The following SHQ1 variants were observed in gnomAD, a reference collection of about 807,000 sequenced individuals.
SHQ1 encodes the protein SHQ1, H/ACA ribonucleoprotein assembly factor.
SHQ1 carries 49 observed loss-of-function variants against 53.8 expected under a neutral mutation model. The observed-to-expected ratio is 0.91, with a 90% confidence interval of 0.72 to 1.16. The LOEUF (loss-of-function observed/expected upper bound fraction) is 1.16. Ranked by LOEUF, SHQ1 falls within the 50% of genes most tolerant of loss-of-function variation. SHQ1 has a pLI of 0.00. For synonymous variants in SHQ1, 243 were observed against 251.0 expected, an observed-to-expected ratio of 0.97 and a Z score of 0.30; for missense variants, 738 against 683.1, an observed-to-expected ratio of 1.08 and a Z score of -0.90.
downstream of SHQ1, among the ~76,000 whole-genome samples, chr3:72,748,397 G>C (rs114960767): frequency 1.9e-3 from 175 of 93,802 alleles, no homozygotes; most frequent in African/African-American, 6.9e-3. Flanking sequence ...AATTTATAAA[G>C]AACTCTCAAA....
chr3:72,766,803 C>A (rs1040833981), intron 10 of SHQ1, among the ~76,000 whole-genome samples: 7 of 152,140 alleles, frequency 4.6e-5, no homozygotes, highest in African/African-American at 7.2e-5. Flanking sequence ...TCTAATCAAT[C>A]CCCAGCTGGA....
Position 72,749,857 on chromosome 3 carries a change from G to GTT in SHQ1, c.*426_*427insAA. 4.4e-6 allele frequency: 1 copy of GTT among 226,024 alleles called. No individual in the cohort carries two copies. Among genetic ancestry groups the GTT allele is most frequent in the Non-Finnish European group, 8.8e-6 (1 of 113,904 alleles). The allele number at this position is 226,024 out of a possible 1,614,324, so 14.0% of individuals were successfully genotyped here. A position where few individuals can be genotyped will look rare whatever the true frequency, so the allele number is the denominator to read the frequency against. On this transcript the variant is annotated 3_prime_UTR_variant, in exon 11 of 11. Coordinates refer to ENST00000325599, the MANE Select transcript of SHQ1 (RefSeq NM_018130.3). The stretch of plus-strand genomic sequence containing the variant: ...GGTTGAAAAACAATGTCATAAAGTT[G>GTT]TCCCCGTATCTGTGGGGGGTTGGTT...
intron 10 of SHQ1, among the ~76,000 whole-genome samples, chr3:72,785,173 C>T (rs761022438): frequency 6.6e-6 from 1 of 152,244 alleles, no homozygotes; most frequent in Non-Finnish European, 1.5e-5. Flanking sequence ...CAGAAAGCAG[C>T]ATCATGCAAG....
chr3:72,823,798 T>C (rs1472489433), intron 6 of SHQ1, among the ~76,000 whole-genome samples: 1 of 152,240 alleles, frequency 6.6e-6, no homozygotes, highest in Non-Finnish European at 1.5e-5. Flanking sequence ...GAAGAGTCTA[T>C]ATTCCATTTA....
intron 10 of SHQ1, chr3:72,773,203 A>T (rs1705891673): frequency 1.4e-6 from 1 of 726,830 alleles, no homozygotes; most frequent in Non-Finnish European, 2.6e-6. Context: ...AGCAAGTAGA[A>T]CACTACAGAG....
intron 10 of SHQ1, among the ~76,000 whole-genome samples, chr3:72,757,265 G>A (rs1183183898): frequency 2.0e-5 from 3 of 152,098 alleles, no homozygotes; most frequent in Non-Finnish European, 2.9e-5. Flanking sequence ...GGCAATTCCA[G>A]ACAGTTCAAA....
At chr3:72,796,200 G>C (rs1706615981) in intron 9 of SHQ1, among the ~76,000 whole-genome samples, 3 of 151,890 alleles carry the variant, frequency 2.0e-5, no homozygotes. Flanking sequence ...GGAAAAAAAG[G>C]AGAATAAGCA....
intron 10 of SHQ1, chr3:72,773,026 T>G: frequency 9.4e-7 from 1 of 1,064,622 alleles, no homozygotes; most frequent in Non-Finnish European, 1.4e-6. Context: ...TCATCTGTAC[T>G]CTAATCCAAT....
chr3:72,793,812 T>C (rs945557193), intron 9 of SHQ1: 8 of 152,274 alleles, frequency 5.3e-5, no homozygotes, highest in East Asian at 1.9e-4. Context: ...CCTTAAAGAA[T>C]TGAAGAAAAC....
intron 1 of SHQ1, chr3:72,846,153 T>A: frequency 6.8e-7 from 1 of 1,474,506 alleles, no homozygotes; most frequent in African/African-American, 1.4e-5. Flanking sequence ...CCAGCTCCCT[T>A]CCCCTAAACT....
At chr3:72,778,446 T>C (rs1421429237) in intron 10 of SHQ1, among the ~76,000 whole-genome samples, 1 of 150,694 alleles carries the variant, frequency 6.6e-6, no homozygotes, top group Non-Finnish European at 1.5e-5. Flanking sequence ...CCCTGTCTCT[T>C]TAAAAAAAGA....
At chr3:72,834,904 A>G (rs919000689) in intron 4 of SHQ1, among the ~76,000 whole-genome samples, 19 of 152,132 alleles carry the variant, frequency 1.2e-4, no homozygotes, top group African/African-American at 4.3e-4. Flanking sequence ...AATTTGCACA[A>G]ACTTGGGCTT....
intron 10 of SHQ1, among the ~76,000 whole-genome samples, chr3:72,766,016 C>A (rs769045208): frequency 6.6e-6 from 1 of 152,026 alleles, no homozygotes; most frequent in African/African-American, 2.4e-5. Context: ...ATATAAGTGC[C>A]ATGAAAAAAC....
chr3:72,825,556 A>G (rs1707625799), intron 5 of SHQ1, among the ~76,000 whole-genome samples: 1 of 152,218 alleles, frequency 6.6e-6, no homozygotes, highest in South Asian at 2.1e-4. Flanking sequence ...TGTTTTAACT[A>G]GAAAAATAAC....
the SHQ1 span, among the ~76,000 whole-genome samples, chr3:72,735,179 T>G: frequency 2.0e-5 from 3 of 151,806 alleles, no homozygotes; most frequent in Non-Finnish European, 4.4e-5. Flanking sequence ...TTTTTCACCT[T>G]TTGCCTATGG....
rs1210782182 is a variant in SHQ1 at position 72,751,508 on chromosome 3, G to GTGTATATATA, written c.1182-673_1182-672insTATATATACA. On this transcript the variant is annotated intron_variant, in intron 10 of 10. Transcript: ENST00000325599. The stretch of plus-strand genomic sequence containing the variant: ...TGTGTGTGTGTGTGTGTGTGTGTGT[G>GTGTATATATA]TATATATATATATATATATATACAT... Among the ~76,000 whole-genome samples, 563 of 116,876 alleles carry GTGTATATATA rather than the reference G, an allele frequency of 4.8e-3. 14 individuals are homozygous for GTGTATATATA. Among genetic ancestry groups the GTGTATATATA allele is most frequent in the African/African-American group, 0.019 (426 of 22,520 alleles). The allele number at this position is 116,876 out of a possible 152,430, so 76.7% of individuals were successfully genotyped here. A position where few individuals can be genotyped will look rare whatever the true frequency, so the allele number is the denominator to read the frequency against.
intron 9 of SHQ1, among the ~76,000 whole-genome samples, chr3:72,803,217 C>T (rs1275476266): frequency 6.6e-6 from 1 of 152,194 alleles, no homozygotes; most frequent in Non-Finnish European, 1.5e-5. Context: ...TTTGTTCATA[C>T]TTAAGCTTTA....
chr3:72,751,281 A>G (rs1206087105), intron 10 of SHQ1, among the ~76,000 whole-genome samples: 1 of 151,914 alleles, frequency 6.6e-6, no homozygotes, highest in African/African-American at 2.4e-5. Flanking sequence ...GCACAGTGGC[A>G]GGCACCTGTA....
intron 9 of SHQ1, among the ~76,000 whole-genome samples, chr3:72,809,435 CAAG>C (rs1239125652): frequency 1.3e-5 from 2 of 151,174 alleles, no homozygotes; most frequent in Non-Finnish European, 2.9e-5. Flanking sequence ...ATATTCCATC[CAAG>C]AAGAAGGAAA....
Sources: gnomAD v4.1 joint callset for allele counts (sites outside exome capture counted in the v4.1 genomes callset) on GRCh38, gnomAD v4.1.1 for gene constraint, MANE v1.5 for transcripts, NCBI Gene and HGNC (gene_info 2026-07-23, HGNC 2026-07-21) for gene names.